Variants in KIF13A observed in about 807,000 individuals in gnomAD.
KIF13A encodes the protein kinesin-like protein KIF13A.
Under a neutral mutation model 212.2 loss-of-function variants are expected in KIF13A, and 79 were observed. The observed-to-expected ratio is 0.37, with a 90% confidence interval of 0.31 to 0.45. The LOEUF (loss-of-function observed/expected upper bound fraction) is 0.45, where lower values mean the gene tolerates loss of function less well. Among genes scored for constraint, KIF13A ranks in the 20% least tolerant of loss-of-function variants. The pLI, the probability that KIF13A is intolerant of heterozygous loss-of-function variation, is 1.00. For synonymous variants in KIF13A, 789 were observed against 808.6 expected, an observed-to-expected ratio of 0.98 and a Z score of 0.41; for missense variants, 1,901 against 2,209.0, an observed-to-expected ratio of 0.86 and a Z score of 2.79.
Position 17,951,111 on chromosome 6 carries a change from T to G in KIF13A, c.146+35943A>C. ...TATATAACACTTTGCCAACCATCCA[T>G]TTATTCATATGTGGGGTCTGATGCA... On this transcript the variant is annotated intron_variant, in intron 2 of 38. Coordinates refer to ENST00000259711, the MANE Select transcript of KIF13A (RefSeq NM_022113.6). This position sits in a 1 kb window ranked among gnomAD's most constrained non-coding sequence, Gnocchi z 4.9. The G allele has an allele frequency of 8.6e-7, 1 of 1,160,458 alleles. No homozygotes were observed. 71.9% of individuals were successfully genotyped at this position (1,160,458 alleles called of 1,614,324 possible). A position where few individuals can be genotyped will look rare whatever the true frequency, so the allele number is the denominator to read the frequency against.
intron 2 of KIF13A, among the ~76,000 whole-genome samples, chr6:17,980,726 G>T (rs1036230280): frequency 6.6e-6 from 1 of 152,288 alleles, no homozygotes; most frequent in African/African-American, 2.4e-5. Context: ...AAAAAGTTTT[G>T]TATGACAAGA....
In KIF13A at chr6:17,849,557, T is replaced by C; in HGVS notation, c.718-68A>G. 2.7e-6 allele frequency: 3 copies of C among 1,107,564 alleles called. No individual in the cohort carries two copies. The highest frequency in any genetic ancestry group is 4.0e-6 in the Non-Finnish European group (3 of 748,952). The allele number at this position is 1,107,564 out of a possible 1,614,324, so 68.6% of individuals were successfully genotyped here. On this transcript the variant is annotated intron_variant, in intron 8 of 38. Transcript: ENST00000259711. The surrounding 1 kb of genome is among the most constrained non-coding windows in gnomAD (Gnocchi z 5.7). ...AAAACCACATGGATATCTACATATA[T>C]GTTAGCACTATAATTGAGCAATCCA...
At chr6:17,763,542 T>C (rs900840651), downstream of KIF13A, among the ~76,000 whole-genome samples, 6 of 149,880 alleles carry the variant, frequency 4.0e-5, no homozygotes, top group South Asian at 2.1e-4. Context: ...ACTTCCAAAG[T>C]CCAAACTTCA....
intron 4 of KIF13A, among the ~76,000 whole-genome samples, chr6:17,868,383 C>CTT (rs1277986074): frequency 5.3e-5 from 8 of 152,160 alleles, no homozygotes; most frequent in Admixed American, 5.2e-4. Flanking sequence ...GTGACTTAAA[C>CTT]ATTTACAAAG....
In KIF13A at chr6:17,984,960, C is replaced by A. The variant is rs181214017; in HGVS notation, c.146+2094G>T. The stretch of plus-strand genomic sequence containing the variant: ...GAGGAATTGTTTCTATTTTTAAATG[C>A]ACTGTTACTTTAAGGGAAAAGTCTG... On this transcript the variant is annotated intron_variant, in intron 2 of 38. Transcript: ENST00000259711. The surrounding 1 kb of genome is among the most constrained non-coding windows in gnomAD (Gnocchi z 5.0). 2.8e-4 allele frequency among the ~76,000 whole-genome samples: 43 copies of A among 152,292 alleles called. No individual in the cohort carries two copies. In the East Asian group the frequency reaches 8.1e-3, roughly 29 times the overall value.
At chr6:17,921,039 G>C (rs1775028178) in intron 2 of KIF13A, among the ~76,000 whole-genome samples, 1 of 152,052 alleles carries the variant, frequency 6.6e-6, no homozygotes, top group Non-Finnish European at 1.5e-5. Flanking sequence ...TAGGCAAATG[G>C]AACCAATGGA....
intron 2 of KIF13A, among the ~76,000 whole-genome samples, chr6:17,949,880 G>A (rs1241447795): frequency 1.3e-5 from 2 of 151,978 alleles, no homozygotes; most frequent in Non-Finnish European, 2.9e-5. Context: ...CACTATTGGT[G>A]GTTTTAAAAG....
Position 17,982,545 on chromosome 6 carries a change from T to C in KIF13A, c.146+4509A>G, listed in dbSNP as rs1373276427. Among the ~76,000 whole-genome samples the C allele has an allele frequency of 6.6e-6, 1 of 152,234 alleles. No individual in the cohort carries two copies. The highest frequency in any genetic ancestry group is 1.5e-5 in the Non-Finnish European group (1 of 68,054). On this transcript the variant is annotated intron_variant, in intron 2 of 38. Transcript: ENST00000259711. This position sits in a 1 kb window ranked among gnomAD's most constrained non-coding sequence, Gnocchi z 5.1. ...GATTTGCAAGGTGTATTGTTCATCC[T>C]GCCATATGGAAAAAATGAACAGGAA...
rs776533442 is a variant in KIF13A, at chr6:17,875,024, C to CACACACACACAG, written c.160-1588_160-1587insCTGTGTGTGTGT. On this transcript the variant is annotated intron_variant, in intron 3 of 38. Coordinates refer to ENST00000259711, the MANE Select transcript of KIF13A (RefSeq NM_022113.6). ...GCACGCACACACACACACACACACACAGCATGGTTCCTTTATCCACTTGTT... is the reference window on the plus strand; with the variant it reads ...GCACGCACACACACACACACACACACACACACACACAGAGCATGGTTCCTTTATCCACTTGTT... Among the ~76,000 whole-genome samples, 24 of 150,574 alleles carry CACACACACACAG rather than the reference C, an allele frequency of 1.6e-4. 1 individual carries two copies. The South Asian group carries it at 4.1e-3, about 26-fold the overall frequency.
intron 2 of KIF13A, among the ~76,000 whole-genome samples, chr6:17,902,090 A>C (rs560421035): frequency 6.6e-5 from 10 of 152,238 alleles, no homozygotes; most frequent in Non-Finnish European, 1.5e-5. Context: ...GTGTGGCTTC[A>C]TTACAGAAAG....
intron 33 of KIF13A, among the ~76,000 whole-genome samples, chr6:17,778,416 C>G (rs1345400834): frequency 7.9e-5 from 12 of 151,980 alleles, no homozygotes. Context: ...AACTATTGCT[C>G]CTATGAAATG....
At chr6:17,784,231 G>A (rs961217750) in intron 28 of KIF13A, among the ~76,000 whole-genome samples, 2 of 152,118 alleles carry the variant, frequency 1.3e-5, no homozygotes, top group Admixed American at 1.3e-4. Flanking sequence ...ACCAGCCTGG[G>A]CAACACAGGG....
downstream of KIF13A, among the ~76,000 whole-genome samples, chr6:17,762,865 T>C (rs1039263337): frequency 2.6e-5 from 4 of 152,188 alleles, no homozygotes; most frequent in South Asian, 2.1e-4. Flanking sequence ...TGACCATACA[T>C]TGAAATTTTA....
At position 17,770,798 on chromosome 6, in the gene KIF13A, T is replaced by C. The variant is rs572176575; in HGVS notation, c.4581+316A>G. ...GATTAACTTCAGAATCTAGGCAATA[T>C]GTATAGGCACATTAGAAAGATTTTG... On this transcript the variant is annotated intron_variant, in intron 38 of 38. Coordinates refer to ENST00000259711, the MANE Select transcript of KIF13A (RefSeq NM_022113.6). 3.1e-4 allele frequency: 299 copies of C among 972,238 alleles called. 2 individuals carry two copies. The South Asian group carries it at 7.8e-3, about 25-fold the overall frequency. The allele number at this position is 972,238 out of a possible 1,614,324, so 60.2% of individuals were successfully genotyped here.
intron 4 of KIF13A, among the ~76,000 whole-genome samples, chr6:17,865,354 C>T (rs1036437253): frequency 2.6e-5 from 4 of 151,800 alleles, no homozygotes; most frequent in African/African-American, 9.7e-5. Context: ...GCTGGGCTCA[C>T]TATTTATGAC....
chr6:17,884,218 C>T (rs1352956016), intron 3 of KIF13A, among the ~76,000 whole-genome samples: 2 of 152,194 alleles, frequency 1.3e-5, no homozygotes, highest in African/African-American at 2.4e-5. Flanking sequence ...AGTAACTGCA[C>T]ATTTTACATT....
Position 17,855,949 on chromosome 6 carries a change from G to T in KIF13A, c.313+81C>A. ...TGGTCTCAAACTCCTGGGCTCAGGA[G>T]ATCCTCCCACCCCAGCCTCACCAAG... On this transcript the variant is annotated intron_variant, in intron 5 of 38. Coordinates refer to ENST00000259711, the MANE Select transcript of KIF13A (RefSeq NM_022113.6). This position sits in a 1 kb window ranked among gnomAD's most constrained non-coding sequence, Gnocchi z 4.1. The T allele has an allele frequency of 1.0e-6, 1 of 964,208 alleles. No individual in the cohort carries two copies. The highest frequency in any genetic ancestry group is 1.6e-6 in the Non-Finnish European group (1 of 619,778). The allele number at this position is 964,208 out of a possible 1,614,324, so 59.7% of individuals were successfully genotyped here.
At chr6:17,860,985 T>C (rs1768714698) in intron 4 of KIF13A, among the ~76,000 whole-genome samples, 1 of 152,260 alleles carries the variant, frequency 6.6e-6, no homozygotes, top group East Asian at 1.9e-4. Flanking sequence ...CAACAAAATA[T>C]ATGTGACAAA....
At position 17,914,136 on chromosome 6, in the gene KIF13A, C is replaced by T. The variant is rs917466439; in HGVS notation, c.147-15956G>A. On this transcript the variant is annotated intron_variant, in intron 2 of 38. Transcript: ENST00000259711. This position sits in a 1 kb window ranked among gnomAD's most constrained non-coding sequence, Gnocchi z 5.9. ...GTTTCGAGAAGCACATAATCCAAGG[C>T]CATTTCTTAGTCTAAAGAATGTTCA... Among the ~76,000 whole-genome samples, 12 of 152,126 alleles carry T rather than the reference C, an allele frequency of 7.9e-5. No individual in the cohort carries two copies. The highest frequency in any genetic ancestry group is 5.9e-4 in the Admixed American group (9 of 15,270).
Sources: allele counts gnomAD v4.1 joint callset (sites outside exome capture counted in the v4.1 genomes callset), GRCh38; gene constraint gnomAD v4.1.1; non-coding constraint Gnocchi (gnomAD v3.1); transcripts MANE v1.5; gene names NCBI Gene and HGNC (gene_info 2026-07-23, HGNC 2026-07-21).